SPATA6L: variants seen among roughly 807,000 people sequenced by gnomAD.
SPATA6L encodes the protein spermatogenesis associated 6-like protein.
Under a neutral mutation model 49.2 loss-of-function variants are expected in SPATA6L, and 68 were observed. That is an observed-to-expected ratio of 1.38 (90% CI 1.14 to 1.69). SPATA6L has a LOEUF of 1.69. Among genes scored for constraint, SPATA6L ranks in the 40% most tolerant of loss-of-function variants. SPATA6L has a pLI of 0.00. For missense variants in SPATA6L, 668 were observed against 464.3 expected (o/e 1.44, Z -4.03); for synonymous variants, 198 against 165.7 (o/e 1.19, Z -1.50).
chr9:4,597,847 A>T (rs924597463), downstream of SPATA6L, among the ~76,000 whole-genome samples: 1 of 152,152 alleles, frequency 6.6e-6, no homozygotes, highest in Non-Finnish European at 1.5e-5. Context: ...CACAGCATGG[A>T]CTACAGAGCA....
At position 4,600,484 on chromosome 9, in the gene SPATA6L, A is replaced by AGAGAGAGAGAGAGACT. The variant is rs1481536484; in HGVS notation, c.*326_*327insAGTCTCTCTCTCTCTC. On this transcript the variant is annotated 3_prime_UTR_variant, in exon 12 of 12. Transcript: ENST00000682582. ...TTGAGAGAGAGAGACAGAGAGAGCC[A>AGAGAGAGAGAGAGACT]GAGAGAGCCAGAGAGAGAGAGAGGG... The AGAGAGAGAGAGAGACT allele has an allele frequency of 5.2e-5, 1 of 19,214 alleles. No individual in the cohort carries two copies. The highest frequency in any genetic ancestry group is 1.7e-4 in the Non-Finnish European group (1 of 5,728). 1.2% of individuals were successfully genotyped at this position (19,214 alleles called of 1,614,324 possible).
chr9:4,617,050 A>C (rs1010208079), intron 9 of SPATA6L, among the ~76,000 whole-genome samples: 2 of 152,218 alleles, frequency 1.3e-5, no homozygotes, highest in South Asian at 4.1e-4. Context: ...TCTGAAAAAC[A>C]CTAAGAAGGG....
intron 5 of SPATA6L, chr9:4,626,651 A>T: frequency 2.9e-6 from 3 of 1,050,468 alleles, no homozygotes; most frequent in Non-Finnish European, 3.8e-6. Flanking sequence ...AGCCATTTTT[A>T]AAAATTAAAT....
chr9:4,629,166 G>A lies in SPATA6L; in HGVS notation c.354C>T (p.Gly118=), dbSNP rs777957745. Residue 118 remains glycine, a splice_region_variant and synonymous_variant, in exon 5 of 12, where the codon GGC becomes GGT. Coordinates refer to ENST00000682582, the MANE Select transcript of SPATA6L (RefSeq NM_001353486.2). ...TAGAAAACTCTATTTTGGGAGCAATGCCCTATAAAACAGCATAAAAAAAGC... is the reference window on the plus strand; with the variant it reads ...TAGAAAACTCTATTTTGGGAGCAATACCCTATAAAACAGCATAAAAAAAGC... The part of the protein sequence containing the change: ...VLMKTALGFP[G]IAPKIEFSTR... 3.2e-5 allele frequency: 50 copies of A among 1,574,344 alleles called. No individual in the cohort carries two copies. In the African/African-American group the frequency reaches 7.7e-4, roughly 24 times the overall value.
intron 3 of SPATA6L, among the ~76,000 whole-genome samples, chr9:4,654,114 C>G (rs1227930631): frequency 6.6e-6 from 1 of 152,210 alleles, no homozygotes; most frequent in East Asian, 1.9e-4. Flanking sequence ...ACTTCACACC[C>G]ACAAAGATGA....
chr9:4,637,423 GAT>G (rs1470316546), intron 3 of SPATA6L, among the ~76,000 whole-genome samples: 4 of 152,100 alleles, frequency 2.6e-5, no homozygotes, highest in Admixed American at 6.5e-5. Context: ...ACCACTAATT[GAT>G]ATTTTTGTTC....
Position 4,618,000 on chromosome 9 carries a change from G to A in SPATA6L, c.918C>T (p.Phe306=). 2 of 1,614,044 alleles carry A rather than the reference G, an allele frequency of 1.2e-6. No homozygotes were observed. Among genetic ancestry groups the A allele is most frequent in the Non-Finnish European group, 1.7e-6 (2 of 1,180,002 alleles). Residue 306 remains phenylalanine, a synonymous_variant, in exon 9 of 12, where the codon TTC becomes TTT. Coordinates refer to ENST00000682582, the MANE Select transcript of SPATA6L (RefSeq NM_001353486.2). ...AGGTGGCAAATGAAGCTTTCCCGTG[G>A]AAATCAGCATCCCCTTGTTTACTGG... is the stretch of plus-strand genomic sequence containing the variant. ...SSSSKQGDAD[F]HGKASFATYQ...
At chr9:4,595,687 C>T (rs1006757463), downstream of SPATA6L, among the ~76,000 whole-genome samples, 3 of 152,138 alleles carry the variant, frequency 2.0e-5, no homozygotes, top group Non-Finnish European at 4.4e-5. Context: ...TTCTGGGCCT[C>T]CAACACCAAT....
intron 3 of SPATA6L, among the ~76,000 whole-genome samples, chr9:4,644,830 T>C (rs1476440236): frequency 6.6e-6 from 1 of 152,098 alleles, no homozygotes. Flanking sequence ...CCAGCTCAGG[T>C]CTTATGTCAC....
chr9:4,657,862 TGA>T (rs200814646), intron 2 of SPATA6L, among the ~76,000 whole-genome samples: 9 of 151,132 alleles, frequency 6.0e-5, no homozygotes, highest in African/African-American at 2.2e-4. Flanking sequence ...GTTTGGTAAA[TGA>T]CTCTAGTTTT....
chr9:4,650,287 T>A (rs1422947311), intron 3 of SPATA6L, among the ~76,000 whole-genome samples: 1 of 152,200 alleles, frequency 6.6e-6, no homozygotes, highest in Non-Finnish European at 1.5e-5. Flanking sequence ...TATTCTGCTA[T>A]TATCTGTGAC....
At chr9:4,634,734 T>C (rs1183077995) in intron 4 of SPATA6L, among the ~76,000 whole-genome samples, 1 of 151,900 alleles carries the variant, frequency 6.6e-6, no homozygotes, top group African/African-American at 2.4e-5. Flanking sequence ...TCAAAATGAG[T>C]ATCCTGAATT....
chr9:4,607,218 C>A (rs966727657), intron 9 of SPATA6L, among the ~76,000 whole-genome samples: 1 of 150,986 alleles, frequency 6.6e-6, no homozygotes, highest in African/African-American at 2.5e-5. Flanking sequence ...GGAAAACACT[C>A]TGCAGGATAT....
intron 2 of SPATA6L, among the ~76,000 whole-genome samples, chr9:4,661,453 T>A (rs1281595538): frequency 2.0e-5 from 3 of 148,194 alleles, no homozygotes; most frequent in Admixed American, 1.4e-4. Context: ...AAACAGTAAA[T>A]CTGAACAGCC....
At chr9:4,656,349 G>A (rs1034909220) in intron 2 of SPATA6L, among the ~76,000 whole-genome samples, 2 of 152,028 alleles carry the variant, frequency 1.3e-5, no homozygotes, top group African/African-American at 4.8e-5. Context: ...TGAGGCTGGA[G>A]GGTCACTTGA....
chr9:4,654,817 C>A (rs1455837199), intron 3 of SPATA6L, among the ~76,000 whole-genome samples: 2 of 152,114 alleles, frequency 1.3e-5, no homozygotes. Flanking sequence ...GTTACAGGCA[C>A]AGGATGGGGG....
chr9:4,662,218 C>G lies in SPATA6L; in HGVS notation c.40-182G>C. On this transcript the variant is annotated intron_variant, in intron 1 of 11. Coordinates refer to ENST00000682582, the MANE Select transcript of SPATA6L (RefSeq NM_001353486.2). The surrounding 1 kb of genome is among the most constrained non-coding windows in gnomAD (Gnocchi z 4.9). ...TCTGCTCTCCTCACATTGGAAATTC[C>G]AACTCCCTCCCACGTCTCCACCAGG... The G allele has an allele frequency of 7.0e-7, 1 of 1,435,070 alleles. No homozygotes were observed. Among genetic ancestry groups the G allele is most frequent in the Non-Finnish European group, 9.1e-7 (1 of 1,099,366 alleles). The allele number at this position is 1,435,070 out of a possible 1,614,324, so 88.9% of individuals were successfully genotyped here. A position where few individuals can be genotyped will look rare whatever the true frequency, so the allele number is the denominator to read the frequency against.
chr9:4,630,487 TCC>T, intron 4 of SPATA6L, among the ~76,000 whole-genome samples: 1 of 152,176 alleles, frequency 6.6e-6, no homozygotes, highest in Non-Finnish European at 1.5e-5. Context: ...TGCTCTACTC[TCC>T]CCCAGAGAAC....
chr9:4,631,258 G>T (rs968156229), intron 4 of SPATA6L, among the ~76,000 whole-genome samples: 1 of 151,828 alleles, frequency 6.6e-6, no homozygotes, highest in African/African-American at 2.4e-5. Flanking sequence ...GATAATGGTT[G>T]GTCAATAAAA....
Sources: gnomAD v4.1 joint callset for allele counts (sites outside exome capture counted in the v4.1 genomes callset) on GRCh38, gnomAD v4.1.1 for gene constraint, Gnocchi (gnomAD v3.1) non-coding constraint, MANE v1.5 for transcripts, NCBI Gene and HGNC (gene_info 2026-07-23, HGNC 2026-07-21) for gene names.